Variants in FLI1 observed in about 807,000 individuals in gnomAD.
FLI1 encodes Friend leukemia integration 1 transcription factor.
A neutral mutation model predicts 53.1 loss-of-function variants in FLI1; 13 were observed. The ratio of observed to expected loss-of-function variants is 0.24; its 90% confidence interval spans 0.16 to 0.39. The LOEUF (loss-of-function observed/expected upper bound fraction) is 0.39. Among genes scored for constraint, FLI1 ranks in the 10% least tolerant of loss-of-function variants. The pLI, the probability that FLI1 is intolerant of heterozygous loss-of-function variation, is 1.00. For synonymous variants in FLI1, 244 were observed against 236.7 expected (o/e 1.03, Z -0.28); for missense variants, 424 against 600.5 (o/e 0.71, Z 3.07).
At position 128,770,046 on chromosome 11, in the gene FLI1, A is replaced by T. The variant is rs1396957292; in HGVS notation, c.385+1774A>T. On this transcript the variant is annotated intron_variant, in intron 3 of 8. Coordinates refer to ENST00000527786, the MANE Select transcript of FLI1 (RefSeq NM_002017.5). ...GGACTGAAGGGTTTGGGGATCTGAG[A>T]TTGTCTTTGAACCAACCTTTGGCAC... 3.9e-5 allele frequency among the ~76,000 whole-genome samples: 6 copies of T among 152,258 alleles called. No homozygotes were observed. The East Asian group carries it at 1.2e-3, about 29-fold the overall frequency.
intron 1 of FLI1, among the ~76,000 whole-genome samples, chr11:128,726,664 A>G (rs1939497424): frequency 6.6e-6 from 1 of 151,992 alleles, no homozygotes; most frequent in South Asian, 2.1e-4. Flanking sequence ...CAGGCCATCC[A>G]TAGGCCCACA....
chr11:128,764,477 C>A (rs944984790), intron 2 of FLI1, among the ~76,000 whole-genome samples: 1 of 152,224 alleles, frequency 6.6e-6, no homozygotes, highest in East Asian at 1.9e-4. Flanking sequence ...ATTGTGGCAG[C>A]CCCAGGCTCT....
intron 1 of FLI1, among the ~76,000 whole-genome samples, chr11:128,688,592 G>A (rs1937626180): frequency 6.6e-6 from 1 of 151,560 alleles, no homozygotes; most frequent in Non-Finnish European, 1.5e-5. Context: ...CATGAGGGAG[G>A]AGCCCAGCCT....
intron 6 of FLI1, chr11:128,806,170 A>T (rs1318071934): frequency 5.3e-5 from 8 of 151,914 alleles, no homozygotes; most frequent in African/African-American, 1.9e-4. Context: ...AATAACCAAG[A>T]CCCCTTCCAA....
At chr11:128,741,303 G>A (rs1044313418) in intron 1 of FLI1, among the ~76,000 whole-genome samples, 1 of 152,216 alleles carries the variant, frequency 6.6e-6, no homozygotes, top group African/African-American at 2.4e-5. Context: ...TGAGGCAGGA[G>A]AATCGCTTGA....
At chr11:128,724,031 C>T (rs1939366052) in intron 1 of FLI1, among the ~76,000 whole-genome samples, 1 of 147,594 alleles carries the variant, frequency 6.8e-6, no homozygotes, top group Non-Finnish European at 1.5e-5. Flanking sequence ...TAACCTCTGC[C>T]TCCCAGGTTC....
intron 1 of FLI1, among the ~76,000 whole-genome samples, chr11:128,722,573 T>G (rs2135737945): frequency 6.6e-6 from 1 of 152,334 alleles, no homozygotes; most frequent in East Asian, 1.9e-4. Flanking sequence ...AACCTGTATT[T>G]GAACCAAGAG....
chr11:128,715,652 T>C (rs1938977530), intron 1 of FLI1, among the ~76,000 whole-genome samples: 1 of 152,220 alleles, frequency 6.6e-6, no homozygotes, highest in Non-Finnish European at 1.5e-5. Flanking sequence ...ATGGAAACAA[T>C]AGGCTTTGCT....
chr11:128,779,087 T>G (rs1941832320), intron 4 of FLI1, among the ~76,000 whole-genome samples: 1 of 152,250 alleles, frequency 6.6e-6, no homozygotes, highest in South Asian at 2.1e-4. Context: ...CATGCAAGCT[T>G]TGGAGAGGTC....
At chr11:128,804,202 C>A (rs1942713177) in intron 5 of FLI1, 1 of 152,236 alleles carries the variant, frequency 6.6e-6, no homozygotes, top group Admixed American at 6.5e-5. Flanking sequence ...CTTCCCAACT[C>A]TTATTCTAAT....
chr11:128,748,358 C>A, intron 1 of FLI1: 1 of 695,076 alleles, frequency 1.4e-6, no homozygotes, highest in Non-Finnish European at 1.8e-6. Flanking sequence ...AAAAGTCAGC[C>A]GGGGTCCAGG....
In FLI1 at chr11:128,813,162, A is replaced by C. The variant is rs544946098; in HGVS notation, c.*2174A>C. The C allele has an allele frequency of 6.3e-5, 10 of 159,564 alleles. 2 individuals carry two copies. Among genetic ancestry groups the C allele is most frequent in the Admixed American group, 5.5e-4 (8 of 14,546 alleles). 9.9% of individuals were successfully genotyped at this position (159,564 alleles called of 1,614,324 possible). On this transcript the variant is annotated 3_prime_UTR_variant, in exon 9 of 9. Coordinates refer to ENST00000527786, the MANE Select transcript of FLI1 (RefSeq NM_002017.5). ...ATTCTCAACATATGCACATTGATTTATAAATCATATATACAAACTGTTACA... is the reference window on the plus strand; with the variant it reads ...ATTCTCAACATATGCACATTGATTTCTAAATCATATATACAAACTGTTACA...
At chr11:128,765,566 C>T (rs938218526) in intron 2 of FLI1, among the ~76,000 whole-genome samples, 3 of 152,258 alleles carry the variant, frequency 2.0e-5, no homozygotes, top group African/African-American at 7.2e-5. Flanking sequence ...AGACCCCTGC[C>T]CATACCCTAT....
At chr11:128,763,886 T>C (rs1363723908) in intron 2 of FLI1, among the ~76,000 whole-genome samples, 9 of 152,360 alleles carry the variant, frequency 5.9e-5, no homozygotes, top group East Asian at 3.9e-4. Flanking sequence ...TTTAAGTTAT[T>C]GCATCTCCTT....
intron 3 of FLI1, among the ~76,000 whole-genome samples, chr11:128,772,271 G>A (rs1027059318): frequency 2.0e-5 from 3 of 152,176 alleles, no homozygotes; most frequent in Admixed American, 2.0e-4. Context: ...TGCTCAAAAG[G>A]AGAAAAATCT....
chr11:128,698,281 A>G (rs1177733169), intron 1 of FLI1, among the ~76,000 whole-genome samples: 2 of 152,164 alleles, frequency 1.3e-5, no homozygotes, highest in African/African-American at 2.4e-5. Context: ...TGTAATCTCC[A>G]TGTCACCTGG....
chr11:128,744,221 C>T (rs1042568303), intron 1 of FLI1, among the ~76,000 whole-genome samples: 3 of 152,218 alleles, frequency 2.0e-5, no homozygotes, highest in Admixed American at 6.5e-5. Flanking sequence ...TAATTTTGAG[C>T]GGGATAAGCA....
intron 1 of FLI1, among the ~76,000 whole-genome samples, chr11:128,735,405 G>A (rs58236346): frequency 0.052 from 7,912 of 152,216 alleles, 662 homozygotes; most frequent in African/African-American, 0.18. Flanking sequence ...CATGGTTATC[G>A]CTTATTTGTA....
intron 1 of FLI1, among the ~76,000 whole-genome samples, chr11:128,697,007 G>A (rs148658497): frequency 3.3e-5 from 5 of 152,180 alleles, no homozygotes; most frequent in African/African-American, 4.8e-5. Context: ...TTCCAAGAAC[G>A]GCTCCTGGAA....
Sources: gnomAD v4.1 joint callset for allele counts (sites outside exome capture counted in the v4.1 genomes callset) on GRCh38, gnomAD v4.1.1 for gene constraint, MANE v1.5 for transcripts, NCBI Gene and HGNC (gene_info 2026-07-23, HGNC 2026-07-21) for gene names.